The following CLASP2 variants were observed in gnomAD, a reference collection of about 807,000 sequenced individuals.
CLASP2 encodes the protein cytoplasmic linker associated protein 2.
In CLASP2, 47 loss-of-function variants were observed where a neutral mutation model predicts 194.4. The ratio of observed to expected loss-of-function variants is 0.24; its 90% CI spans 0.19 to 0.31. CLASP2 has a LOEUF of 0.31. Ranked by LOEUF, CLASP2 falls within the 10% of genes least tolerant of loss-of-function variation. The probability of loss-of-function intolerance (pLI) is 1.00; values close to 1 mark genes in which losing one functional copy is unlikely to be tolerated. For synonymous variants in CLASP2, 619 were observed against 633.5 expected (o/e 0.98, Z 0.34); for missense variants, 1,445 against 1,823.6 (o/e 0.79, Z 3.78).
intron 13 of CLASP2, among the ~76,000 whole-genome samples, chr3:33,610,126 T>C (rs1371908388): frequency 2.0e-5 from 3 of 152,370 alleles, no homozygotes; most frequent in Non-Finnish European, 2.9e-5. Context: ...TCTGCTTCTC[T>C]CTTCCATGAA....
intron 1 of CLASP2, among the ~76,000 whole-genome samples, chr3:33,714,416 C>A (rs761066800): frequency 6.6e-6 from 1 of 152,176 alleles, no homozygotes; most frequent in South Asian, 2.1e-4. Flanking sequence ...ACACCTAACA[C>A]AGTAAAAACT....
At chr3:33,714,160 A>C (rs1488747400) in intron 1 of CLASP2, among the ~76,000 whole-genome samples, 1 of 152,198 alleles carries the variant, frequency 6.6e-6, no homozygotes, top group Admixed American at 6.5e-5. Flanking sequence ...CCTGGTACTC[A>C]CTAAGGACTC....
intron 23 of CLASP2, chr3:33,577,190 C>G: frequency 6.3e-7 from 1 of 1,582,050 alleles, no homozygotes; most frequent in Non-Finnish European, 8.6e-7. Context: ...TGAAAATGTA[C>G]TCATCCTTCA....
intron 30 of CLASP2, among the ~76,000 whole-genome samples, chr3:33,547,607 A>G (rs2059351406): frequency 6.6e-6 from 1 of 152,086 alleles, no homozygotes; most frequent in Non-Finnish European, 1.5e-5. Context: ...TTGATGTGCG[A>G]TGTCTCTGTC....
At chr3:33,592,192 C>A (rs1296232004) in intron 21 of CLASP2, 3 of 704,998 alleles carry the variant, frequency 4.3e-6, no homozygotes, top group East Asian at 5.4e-5. Flanking sequence ...AACAACTGAT[C>A]CAAAACATTG....
At chr3:33,593,589 A>G (rs887284258) in intron 20 of CLASP2, among the ~76,000 whole-genome samples, 1 of 152,204 alleles carries the variant, frequency 6.6e-6, no homozygotes, top group Non-Finnish European at 1.5e-5. Context: ...CAGAAGTTTA[A>G]TTGGTAGAAT....
chr3:33,675,204 C>A (rs1290873596), intron 6 of CLASP2, among the ~76,000 whole-genome samples: 179 of 151,664 alleles, frequency 1.2e-3, no homozygotes, highest in Non-Finnish European at 2.2e-3. Flanking sequence ...TACTGGCAAA[C>A]CGAATCCAGC....
chr3:33,682,441 C>T (rs952630771), intron 6 of CLASP2, among the ~76,000 whole-genome samples: 1 of 151,952 alleles, frequency 6.6e-6, no homozygotes, highest in Non-Finnish European at 1.5e-5. Flanking sequence ...TTGTTTAAAC[C>T]AAGTAATAGG....
At chr3:33,674,136 A>G (rs1259151960) in intron 6 of CLASP2, among the ~76,000 whole-genome samples, 2 of 152,224 alleles carry the variant, frequency 1.3e-5, no homozygotes, top group African/African-American at 4.8e-5. Flanking sequence ...TCAACAGAAT[A>G]TACATTCTTT....
At chr3:33,614,892 G>A (rs1318190148) in intron 12 of CLASP2, among the ~76,000 whole-genome samples, 1 of 152,126 alleles carries the variant, frequency 6.6e-6, no homozygotes, top group Non-Finnish European at 1.5e-5. Flanking sequence ...TTGGGAGGCT[G>A]AGGCAGAAGA....
chr3:33,516,802 C>T (rs570747541), intron 35 of CLASP2, among the ~76,000 whole-genome samples, 179 bp downstream of exon 35: 12 of 152,194 alleles, frequency 7.9e-5, no homozygotes, highest in South Asian at 6.2e-4. Flanking sequence ...GTTAATTGTT[C>T]AAAATTGTTG....
At chr3:33,554,215 G>C (rs765614445) in intron 29 of CLASP2, among the ~76,000 whole-genome samples, 1 of 116,544 alleles carries the variant, frequency 8.6e-6, no homozygotes. Flanking sequence ...CAACAGGAGC[G>C]AAACTGTCTC....
At chr3:33,593,721 A>G (rs2069436935) in intron 20 of CLASP2, among the ~76,000 whole-genome samples, 1 of 152,238 alleles carries the variant, frequency 6.6e-6, no homozygotes, top group African/African-American at 2.4e-5. Context: ...CAAAATGACC[A>G]AATTATTATT....
intron 14 of CLASP2, among the ~76,000 whole-genome samples, chr3:33,607,936 TA>T (rs896484692): frequency 1.3e-5 from 2 of 152,166 alleles, no homozygotes; most frequent in African/African-American, 4.8e-5. Flanking sequence ...TTCTATTTTT[TA>T]AAAATGAGCT....
intron 6 of CLASP2, among the ~76,000 whole-genome samples, chr3:33,674,437 C>T (rs768875972): frequency 4.0e-5 from 6 of 150,750 alleles, no homozygotes; most frequent in African/African-American, 7.5e-5. Flanking sequence ...GGGACACATT[C>T]AAAGCAGTGT....
At chr3:33,630,767 C>T (rs988472791) in intron 9 of CLASP2, among the ~76,000 whole-genome samples, 6 of 152,086 alleles carry the variant, frequency 3.9e-5, no homozygotes, top group Admixed American at 1.3e-4. Context: ...TTTTTCCCCT[C>T]CGTATAGTTG....
intron 26 of CLASP2, among the ~76,000 whole-genome samples, chr3:33,570,211 T>A (rs960942682): frequency 7.2e-5 from 11 of 152,100 alleles, no homozygotes; most frequent in African/African-American, 2.7e-4. Flanking sequence ...ATGAACAAAG[T>A]TCTGAAAATT....
chr3:33,545,606 T>C (rs185324515), intron 30 of CLASP2, among the ~76,000 whole-genome samples: 3 of 152,274 alleles, frequency 2.0e-5, no homozygotes, highest in Admixed American at 1.3e-4. Flanking sequence ...TATTATACAC[T>C]GCTGAAGAAA....
chr3:33,612,173 A>T, intron 12 of CLASP2, 102 bp from the exon 13 acceptor site: 2 of 695,524 alleles, frequency 2.9e-6, no homozygotes, highest in Non-Finnish European at 4.9e-6. Flanking sequence ...TTACAAGAGG[A>T]CAAAAAGACC....
Sources: gnomAD v4.1 joint callset for allele counts (sites outside exome capture counted in the v4.1 genomes callset) on GRCh38, gnomAD v4.1.1 for gene constraint, MANE v1.5 for transcripts, NCBI Gene and HGNC (gene_info 2026-07-23, HGNC 2026-07-21) for gene names.